AKNA: variants seen among roughly 807,000 people sequenced by gnomAD.
AKNA encodes the protein microtubule organization protein AKNA.
In AKNA, 67 loss-of-function variants were observed where a neutral mutation model predicts 138.8. The ratio of observed to expected loss-of-function variants is 0.48; its 90% CI spans 0.40 to 0.59. The LOEUF (loss-of-function observed/expected upper bound fraction) is 0.59. Ranked by LOEUF, AKNA falls within the 20% of genes least tolerant of loss-of-function variation. The pLI, the probability that AKNA is intolerant of heterozygous loss-of-function variation, is 0.00. For synonymous variants in AKNA, 737 were observed against 754.4 expected (o/e 0.98, Z 0.38); for missense variants, 1,813 against 1,880.4 (o/e 0.96, Z 0.66).
chr9:114,384,952 C>T (rs1368143325), intron 1 of AKNA, among the ~76,000 whole-genome samples: 2 of 152,148 alleles, frequency 1.3e-5, no homozygotes, highest in Non-Finnish European at 1.5e-5. Flanking sequence ...TGGGCTCAAG[C>T]GATCCTCCCA....
At chr9:114,362,355 C>T in intron 8 of AKNA, 51 bp downstream of exon 8, 1 of 1,566,154 alleles carries the variant, frequency 6.4e-7, no homozygotes, top group Non-Finnish European at 8.7e-7. Context: ...ACTGAGGGAC[C>T]CCAGGGGCCC....
chr9:114,333,351 GC>G (rs1001633471), downstream of AKNA: 1 of 689,146 alleles, frequency 1.5e-6, no homozygotes, highest in African/African-American at 2.0e-5. Context: ...GGTGGGAAGA[GC>G]CCCACACGTG....
intron 1 of AKNA, among the ~76,000 whole-genome samples, chr9:114,384,877 A>AG (rs1833922812): frequency 6.6e-6 from 1 of 152,182 alleles, no homozygotes; most frequent in East Asian, 1.9e-4. Context: ...TTATTGAGAC[A>AG]GGGTCTCACT....
chr9:114,387,027 C>A (rs1157448371), intron 1 of AKNA, among the ~76,000 whole-genome samples: 1 of 152,130 alleles, frequency 6.6e-6, no homozygotes, highest in Non-Finnish European at 1.5e-5. Context: ...CCTGCTCTCA[C>A]AAGACCTCAC....
rs10982187 is a variant in AKNA, at chr9:114,381,928, T to C, written c.-113-482A>G. 1.3e-3 allele frequency among the ~76,000 whole-genome samples: 199 copies of C among 152,174 alleles called. 5 individuals carry two copies. The East Asian group carries it at 0.031, about 23-fold the overall frequency. ...CCTCCCAAAGTGCTGGGATTACAGG[T>C]GTGAGCCACCATGCCCGGCCCCCTC... On this transcript the variant is annotated intron_variant, in intron 1 of 21. Coordinates refer to ENST00000374088, the MANE Select transcript of AKNA (RefSeq NM_001317950.2).
chr9:114,356,191 G>C, intron 13 of AKNA, 55 bp from the exon 14 acceptor site: 1 of 1,538,176 alleles, frequency 6.5e-7, no homozygotes, highest in Middle Eastern at 2.4e-4. Flanking sequence ...GAGACACTCA[G>C]GCGGCAGCAT....
intron 20 of AKNA, 128 bp downstream of exon 20, chr9:114,341,881 C>A: frequency 7.7e-7 from 1 of 1,305,200 alleles, no homozygotes; most frequent in Non-Finnish European, 1.1e-6. Flanking sequence ...GGGAACAAAT[C>A]CTCTGCCCCA....
chr9:114,377,298 C>A lies in AKNA; in HGVS notation c.509G>T (p.Gly170Val), dbSNP rs773281522. ...GGCTTGTTCGCCAGAAGCCACCCAG[C>A]CCCTGGCCTGACCATGCCCAAGAGC... The part of the protein sequence containing the change: ...PMALGHGQAR[G>V]WVASGEQASG... Residue 170 changes from glycine to valine, a missense_variant, in exon 3 of 22, where the codon GGC (glycine) becomes GTC (valine). Coordinates refer to ENST00000374088, the MANE Select transcript of AKNA (RefSeq NM_001317950.2). 1 of 1,614,150 alleles carries A rather than the reference C, an allele frequency of 6.2e-7. No individual in the cohort carries two copies. The highest frequency in any genetic ancestry group is 2.2e-5 in the East Asian group (1 of 44,882).
At chr9:114,373,877 C>A (rs1287040000) in intron 4 of AKNA, among the ~76,000 whole-genome samples, 1 of 132,756 alleles carries the variant, frequency 7.5e-6, no homozygotes, top group Non-Finnish European at 1.6e-5. Flanking sequence ...CAGAGCAAGA[C>A]CCTGACTCAA....
In AKNA at chr9:114,381,156, G is replaced by C; in HGVS notation, c.178C>G (p.Arg60Gly). Reference protein sequence around the residue: ...ATSPELLEDFRLAQQHLPPLE... With the variant: ...ATSPELLEDFGLAQQHLPPLE... ...GGCGGCAGGTGCTGCTGGGCCAGGC[G>C]GAAGTCCTCTAGGAGCTCGGGGCTG... Residue 60 changes from arginine (R) to glycine (G), a missense_variant, in exon 2 of 22, where the codon CGC becomes GGC. By Grantham distance (125) the Arg-to-Gly change is moderately radical. Coordinates refer to ENST00000374088, the MANE Select transcript of AKNA (RefSeq NM_001317950.2). 1.2e-6 allele frequency: 2 copies of C among 1,614,052 alleles called. No individual in the cohort carries two copies. The highest frequency in any genetic ancestry group is 1.7e-4 in the Middle Eastern group (1 of 6,060).
At chr9:114,371,878 A>G (rs1189838303) in intron 4 of AKNA, among the ~76,000 whole-genome samples, 1 of 151,844 alleles carries the variant, frequency 6.6e-6, no homozygotes, top group African/African-American at 2.4e-5. Flanking sequence ...GTGGGTTCTG[A>G]GCAGAAGACC....
chr9:114,384,542 C>T (rs1284240707), intron 1 of AKNA, among the ~76,000 whole-genome samples: 3 of 152,202 alleles, frequency 2.0e-5, no homozygotes, highest in Non-Finnish European at 2.9e-5. Flanking sequence ...CCCCTTAACT[C>T]CTCCTCCTCA....
rs561157306 is a variant in AKNA, at chr9:114,335,840, G to A, written c.*1214C>T. 1 of 152,022 alleles carries A rather than the reference G, an allele frequency of 6.6e-6. No homozygotes were observed. Among genetic ancestry groups the A allele is most frequent in the East Asian group, 1.9e-4 (1 of 5,178 alleles). 9.4% of individuals were successfully genotyped at this position (152,022 alleles called of 1,614,324 possible). On this transcript the variant is annotated 3_prime_UTR_variant, in exon 22 of 22. Coordinates refer to ENST00000374088, the MANE Select transcript of AKNA (RefSeq NM_001317950.2). ...AAGAAAGGAGCACTGGAGAGTCCAGGTGCATACTCTTGTAGACAGCAACTT... is the reference window on the plus strand; with the variant it reads ...AAGAAAGGAGCACTGGAGAGTCCAGATGCATACTCTTGTAGACAGCAACTT...
In AKNA at chr9:114,364,628, T is replaced by G. The variant is rs76732041; in HGVS notation, c.1729-9A>C. The G allele has an allele frequency of 5.0e-6, 8 of 1,613,794 alleles. No homozygotes were observed. Among genetic ancestry groups the G allele is most frequent in the Non-Finnish European group, 6.8e-6 (8 of 1,179,948 alleles). On this transcript the variant is annotated splice_polypyrimidine_tract_variant and intron_variant, in intron 6 of 21. Transcript: ENST00000374088. ...CTTTCAAAGGACTCCACCTGGACATTGGGAGGGGAAGGAAATATGCTCCAT... is the reference window on the plus strand; with the variant it reads ...CTTTCAAAGGACTCCACCTGGACATGGGGAGGGGAAGGAAATATGCTCCAT...
chr9:114,360,440 C>G (rs115053098), intron 9 of AKNA, among the ~76,000 whole-genome samples: 1 of 152,186 alleles, frequency 6.6e-6, no homozygotes, highest in Admixed American at 6.5e-5. Context: ...AGAGTTAACT[C>G]TCCTGACCCC....
chr9:114,342,240 A>T, intron 19 of AKNA, 115 bp from the exon 20 acceptor site: 1 of 685,376 alleles, frequency 1.5e-6, no homozygotes, highest in Non-Finnish European at 2.4e-6. Context: ...TGCGGAGGGG[A>T]CAAGCTGCCT....
chr9:114,330,716 C>T (rs949700083), downstream of AKNA: 59 of 1,595,918 alleles, frequency 3.7e-5, no homozygotes, highest in East Asian at 5.1e-4. Flanking sequence ...ACTCTTGCCC[C>T]GGGACTGTGA....
chr9:114,373,354 G>GGGAGA (rs1832935508), intron 4 of AKNA, among the ~76,000 whole-genome samples: 1 of 152,224 alleles, frequency 6.6e-6, no homozygotes, highest in African/African-American at 2.4e-5. Context: ...TTCAGGGGAG[G>GGGAGA]GGAGAGGCTG....
chr9:114,392,140 G>A (rs952070362), upstream of AKNA, among the ~76,000 whole-genome samples: 1 of 151,638 alleles, frequency 6.6e-6, no homozygotes, highest in Non-Finnish European at 1.5e-5. Flanking sequence ...GGGAGTCTGA[G>A]GGAAAGAGGA....
Sources: gnomAD v4.1 joint callset for allele counts (sites outside exome capture counted in the v4.1 genomes callset) on GRCh38, gnomAD v4.1.1 for gene constraint, MANE v1.5 for transcripts, NCBI Gene and HGNC (gene_info 2026-07-23, HGNC 2026-07-21) for gene names.